Variants in LMTK3 observed in about 807,000 individuals in gnomAD.
LMTK3 encodes lemur tail kinase 3, also known as serine/threonine-protein kinase LMTK3.
LMTK3 carries 27 observed loss-of-function variants against 116.7 expected under a neutral mutation model. The ratio of observed to expected loss-of-function variants is 0.23; its 90% CI spans 0.17 to 0.32. The LOEUF is 0.32. Ranked by LOEUF, LMTK3 falls within the 10% of genes least tolerant of loss-of-function variation. LMTK3 has a pLI of 1.00. For missense variants in LMTK3, 1,764 were observed against 2,068.5 expected, an observed-to-expected ratio of 0.85 and a Z score of 2.86; for synonymous variants, 965 against 971.0, an observed-to-expected ratio of 0.99 and a Z score of 0.11.
Position 48,485,756 on chromosome 19 carries a change from G to A in LMTK3, c.*17C>T, listed in dbSNP as rs1391057889. 9 of 1,610,180 alleles carry A rather than the reference G, an allele frequency of 5.6e-6. No individual in the cohort carries two copies. The highest frequency in any genetic ancestry group is 3.4e-5 in the Admixed American group (2 of 59,472). On this transcript the variant is annotated 3_prime_UTR_variant, in exon 15 of 15. Transcript: ENST00000600059. ...ACCCCTCTTCTGAGGGTGCAGCGGG[G>A]TCGGGTCTTCGGGGAATCAATTCTC...
chr19:48,489,121 A>T (rs1340179780), intron 14 of LMTK3, among the ~76,000 whole-genome samples: 1 of 152,110 alleles, frequency 6.6e-6, no homozygotes, highest in Non-Finnish European at 1.5e-5. Flanking sequence ...GCAGTTCTTC[A>T]TTTGTCATAG....
intron 7 of LMTK3, among the ~76,000 whole-genome samples, chr19:48,502,226 C>A (rs1197734232): frequency 1.3e-5 from 2 of 148,462 alleles, no homozygotes; most frequent in Non-Finnish European, 3.0e-5. Flanking sequence ...CATCACCTGA[C>A]CCCGCCTCCC....
chr19:48,499,993 C>A, intron 10 of LMTK3, 76 bp from the exon 11 acceptor site: 1 of 1,401,320 alleles, frequency 7.1e-7, no homozygotes, highest in Non-Finnish European at 9.5e-7. Context: ...GGACAGACAA[C>A]CAGAGAGAGG....
chr19:48,497,634 T>A lies in LMTK3; in HGVS notation c.3435A>T (p.Pro1145=). Residue 1145 remains proline, a synonymous_variant, in exon 11 of 15, where the codon CCA becomes CCT. Transcript: ENST00000600059. The surrounding 1 kb of genome is among the most constrained non-coding windows in gnomAD (Gnocchi z 5.7). ...GTGGCGGTGGCAGCGGTGGCGGCGG[T>A]GGCTGCGGCCTCGTGTTGTCTACCC... ...AGWVDNTRPQ[P]PPPPLPPPPE... The A allele has an allele frequency of 7.7e-7, 1 of 1,298,480 alleles. No homozygotes were observed. Among genetic ancestry groups the A allele is most frequent in the Admixed American group, 4.0e-5 (1 of 24,850 alleles). 80.4% of individuals were successfully genotyped at this position (1,298,480 alleles called of 1,614,324 possible).
At chr19:48,487,977 C>G (rs1215906987) in intron 14 of LMTK3, among the ~76,000 whole-genome samples, 1 of 152,150 alleles carries the variant, frequency 6.6e-6, no homozygotes, top group African/African-American at 2.4e-5. Flanking sequence ...CCGCCTCAGG[C>G]CCCCACACCA....
rs1296005506 is a variant in LMTK3, at chr19:48,498,450, G to A, written c.2619C>T (p.Asn873=). The A allele has an allele frequency of 3.7e-6, 6 of 1,604,528 alleles. No homozygotes were observed. The East Asian group carries it at 1.3e-4, about 36-fold the overall frequency. ...LMSLREDVTR[N]LLGEKGATAR... ...CTGTCGCCCCCTTCTCCCCCAGGAG[G>A]TTCCTTGTCACATCCTCCCGCAGGG... Residue 873 remains asparagine (N), a synonymous_variant, in exon 11 of 15, where the codon AAC becomes AAT. Transcript: ENST00000600059.
chr19:48,493,289 A>G (rs183147910), intron 12 of LMTK3, among the ~76,000 whole-genome samples: 1,571 of 75,418 alleles, frequency 0.021, 24 homozygotes, highest in African/African-American at 0.074. Flanking sequence ...CAGGCCCTGC[A>G]CCTCTAGGCT....
At chr19:48,502,387 C>G in intron 7 of LMTK3, 46 bp downstream of exon 7, 1 of 1,591,528 alleles carries the variant, frequency 6.3e-7, no homozygotes, top group South Asian at 1.1e-5. Flanking sequence ...CACCTCCTTC[C>G]CCCTTCCCCT....
At position 48,502,543 on chromosome 19, in the gene LMTK3, G is replaced by C; in HGVS notation, c.684C>G (p.Pro228=). The stretch of plus-strand genomic sequence containing the variant: ...GGGGTAGCTCAGGGGACAGGCCCTC[G>C]GGGGGCCGCTGGGCTCGGAGGTAAC... ...LKRYLRAQRP[P]EGLSPELPPR... Residue 228 remains proline (P), a synonymous_variant, in exon 7 of 15, where the codon CCC becomes CCG. Coordinates refer to ENST00000600059, the MANE Select transcript of LMTK3 (RefSeq NM_001388485.1). 5 of 1,585,282 alleles carry C rather than the reference G, an allele frequency of 3.2e-6. No homozygotes were observed. The highest frequency in any genetic ancestry group is 3.4e-6 in the Non-Finnish European group (4 of 1,166,926).
rs751853981 is a variant in LMTK3, at chr19:48,485,802, A to C, written c.4367-13T>G. On this transcript the variant is annotated splice_polypyrimidine_tract_variant and intron_variant, in intron 14 of 14. Coordinates refer to ENST00000600059, the MANE Select transcript of LMTK3 (RefSeq NM_001388485.1). ...TTCTCCACGGGGCCTGAGGATGGACAGAGGAGACAGAGAAATGAAATTACT... is the reference window on the plus strand; with the variant it reads ...TTCTCCACGGGGCCTGAGGATGGACCGAGGAGACAGAGAAATGAAATTACT... 6.2e-7 allele frequency: 1 copy of C among 1,606,150 alleles called. No individual in the cohort carries two copies. Among genetic ancestry groups the C allele is most frequent in the Non-Finnish European group, 8.5e-7 (1 of 1,176,854 alleles).
rs773395598 is a variant in LMTK3 at position 48,501,379 on chromosome 19, C to A, written c.905G>T (p.Arg302Leu). 1.2e-6 allele frequency: 2 copies of A among 1,613,088 alleles called. No individual in the cohort carries two copies. The highest frequency in any genetic ancestry group is 1.7e-6 in the Non-Finnish European group (2 of 1,179,728). The change falls in exon 9 of 15, where the codon CGC (arginine) becomes CTC (leucine). Residue 302 changes from arginine to leucine, a missense_variant. Physicochemically the swap from Arg to Leu is moderately radical, Grantham distance 102 (BLOSUM62 -2). Around this residue, in one of 7 missense-constraint regions of LMTK3, gnomAD observed 271 missense variants for 478.2 expected, o/e 0.57. Transcript: ENST00000600059. ...CGCCCAGCGCAGTGGGATCCACAGG[C>A]GCTCTGGGGTCAGGTAGTAGTCCTC... is the stretch of plus-strand genomic sequence containing the variant. ...YKEDYYLTPE[R>L]LWIPLRWAAP...
chr19:48,508,049 C>T (rs1476060410), intron 5 of LMTK3, among the ~76,000 whole-genome samples: 1 of 152,060 alleles, frequency 6.6e-6, no homozygotes, highest in Non-Finnish European at 1.5e-5. Flanking sequence ...GAGGATATAG[C>T]AAGGTCCGAT....
chr19:48,486,122 C>CG, intron 14 of LMTK3, among the ~76,000 whole-genome samples: 1 of 123,742 alleles, frequency 8.1e-6, no homozygotes, highest in East Asian at 2.4e-4. Context: ...TGCAGTGGCG[C>CG]GATCTCGGCT....
At position 48,499,616 on chromosome 19, in the gene LMTK3, G is replaced by A. The variant is rs1459903416; in HGVS notation, c.1453C>T (p.Arg485Trp). 3.2e-6 allele frequency: 5 copies of A among 1,542,940 alleles called. No homozygotes were observed. Among genetic ancestry groups the A allele is most frequent in the East Asian group, 2.5e-5 (1 of 40,626 alleles). Reference sequence around the variant, plus strand: ...CCCCCACCCCGGCCGGCCCCACGCCGGGCCTTCTCCCACAGGCACTCGAGG... The same window carrying A: ...CCCCCACCCCGGCCGGCCCCACGCCAGGCCTTCTCCCACAGGCACTCGAGG... Reference protein sequence around the residue: ...LNLECLWEKARRGAGRGGGAP... With the variant: ...LNLECLWEKAWRGAGRGGGAP... Residue 485 changes from arginine to tryptophan, a missense_variant, in exon 11 of 15, where the codon CGG becomes TGG. Transcript: ENST00000600059.
At chr19:48,487,297 T>C (rs1972142950) in intron 14 of LMTK3, among the ~76,000 whole-genome samples, 1 of 152,078 alleles carries the variant, frequency 6.6e-6, no homozygotes, top group Non-Finnish European at 1.5e-5. Flanking sequence ...CCTCCCAAAG[T>C]ACTGGGATTA....
Position 48,497,371 on chromosome 19 carries a change from C to T in LMTK3, c.3676+22G>A. 1 of 1,454,422 alleles carries T rather than the reference C, an allele frequency of 6.9e-7. No individual in the cohort carries two copies. Among genetic ancestry groups the T allele is most frequent in the Admixed American group, 2.7e-5 (1 of 37,234 alleles). The allele number at this position is 1,454,422 out of a possible 1,614,324, so 90.1% of individuals were successfully genotyped here. On this transcript the variant is annotated intron_variant, in intron 11 of 14. Transcript: ENST00000600059. This position sits in a 1 kb window ranked among gnomAD's most constrained non-coding sequence, Gnocchi z 5.7. ...GGAAACAGCCGGACCTCAGCCCTGA[C>T]TGTGCCCCGCAGCCTCCTCACCTTT...
rs1972105888 is a variant in LMTK3, at chr19:48,485,507, G to A, written c.*266C>T. On this transcript the variant is annotated 3_prime_UTR_variant, in exon 15 of 15. Coordinates refer to ENST00000600059, the MANE Select transcript of LMTK3 (RefSeq NM_001388485.1). ...AGTTCAGTTCAGTTCCGAGAAAGGC[G>A]GCTCTCTATGGAGGGGCGGGGGGAT... is the stretch of plus-strand genomic sequence containing the variant. The A allele has an allele frequency of 6.0e-6, 3 of 500,340 alleles. No individual in the cohort carries two copies. The highest frequency in any genetic ancestry group is 7.2e-6 in the Non-Finnish European group (2 of 276,694). 31.0% of individuals were successfully genotyped at this position (500,340 alleles called of 1,614,324 possible). A position where few individuals can be genotyped will look rare whatever the true frequency, so the allele number is the denominator to read the frequency against.
rs1247286239 is a variant in LMTK3 at position 48,499,540 on chromosome 19, G to A, written c.1529C>T (p.Pro510Leu). The A allele has an allele frequency of 9.3e-6, 14 of 1,507,750 alleles. No homozygotes were observed. The highest frequency in any genetic ancestry group is 1.2e-5 in the Non-Finnish European group (14 of 1,130,654). 93.4% of individuals were successfully genotyped at this position (1,507,750 alleles called of 1,614,324 possible). A position where few individuals can be genotyped will look rare whatever the true frequency, so the allele number is the denominator to read the frequency against. Residue 510 changes from proline to leucine, a missense_variant, in exon 11 of 15, where the codon CCC becomes CTC. Pro to Leu is a moderately conservative substitution (Grantham distance 98). Around this residue, in one of 7 missense-constraint regions of LMTK3, gnomAD observed 1,028 missense variants for 1,050.6 expected, o/e 0.98. Transcript: ENST00000600059. The part of the protein sequence containing the change: ...ASAPPAPHAN[P>L]SNPFYEALST... ...CAGCGCCTCGTAGAAAGGGTTGGAG[G>A]GGTTGGCGTGGGGGGCCGGGGGGGC...
At position 48,500,889 on chromosome 19, in the gene LMTK3, T is replaced by C. The variant is rs1158584089; in HGVS notation, c.1151+107A>G. On this transcript the variant is annotated intron_variant, in intron 10 of 14. Transcript: ENST00000600059. The surrounding 1 kb of genome is among the most constrained non-coding windows in gnomAD (Gnocchi z 4.0). ...ACAGCCCCTCTTCACTCTTGAGGGG[T>C]ATGGAGGGCAAACGGGATGTGGGTG... The C allele has an allele frequency of 1.8e-6, 2 of 1,128,596 alleles. No individual in the cohort carries two copies. The highest frequency in any genetic ancestry group is 2.4e-6 in the Non-Finnish European group (2 of 819,152). 69.9% of individuals were successfully genotyped at this position (1,128,596 alleles called of 1,614,324 possible).
Sources: gnomAD v4.1 joint callset for allele counts (sites outside exome capture counted in the v4.1 genomes callset) on GRCh38, gnomAD v4.1.1 for gene constraint, gnomAD v4.1.1 regional missense constraint, Gnocchi (gnomAD v3.1) non-coding constraint, MANE v1.5 for transcripts, NCBI Gene and HGNC (gene_info 2026-07-23, HGNC 2026-07-21) for gene names.